The following RALYL variants were observed in gnomAD, a reference collection of about 807,000 sequenced individuals.
RALYL encodes the protein RNA-binding Raly-like protein.
Under a neutral mutation model 35.1 loss-of-function variants are expected in RALYL, and 29 were observed. That is an observed-to-expected ratio of 0.83 (90% confidence interval 0.61 to 1.13). RALYL has a LOEUF of 1.13. Ranked by LOEUF, RALYL falls within the 50% of genes most tolerant of loss-of-function variation. The pLI, the probability that RALYL is intolerant of heterozygous loss-of-function variation, is 0.00. For synonymous variants in RALYL, 120 were observed against 127.6 expected (o/e 0.94, Z 0.40); for missense variants, 359 against 360.4 (o/e 1.00, Z 0.03).
At chr8:84,875,726 C>A (rs1322936210) in intron 7 of RALYL, among the ~76,000 whole-genome samples, 1 of 152,084 alleles carries the variant, frequency 6.6e-6, no homozygotes. Flanking sequence ...AGAATTAACA[C>A]TACCTTATGG....
At chr8:84,210,772 T>C (rs1819307841) in intron 1 of RALYL, among the ~76,000 whole-genome samples, 1 of 152,126 alleles carries the variant, frequency 6.6e-6, no homozygotes, top group Non-Finnish European at 1.5e-5. Flanking sequence ...ATGCCATTCA[T>C]GCTTGTACAA....
chr8:84,529,229 A>C (rs1484401313), intron 1 of RALYL, 70 bp from the exon 2 acceptor site: 12 of 1,491,102 alleles, frequency 8.0e-6, no homozygotes, highest in Non-Finnish European at 1.1e-5. Context: ...TTAAAAAGCC[A>C]CTGATACCCA....
At chr8:84,297,892 GTTGT>G (rs1302054503) in intron 1 of RALYL, among the ~76,000 whole-genome samples, 4 of 151,782 alleles carry the variant, frequency 2.6e-5, no homozygotes, top group South Asian at 4.1e-4. Flanking sequence ...TTCTAATGGT[GTTGT>G]TTGTTTAACT....
At chr8:84,460,056 G>A (rs2050578984) in intron 1 of RALYL, among the ~76,000 whole-genome samples, 1 of 151,628 alleles carries the variant, frequency 6.6e-6, no homozygotes, top group African/African-American at 2.4e-5. Flanking sequence ...TGAGATTTTG[G>A]CTAAATACAG....
At chr8:84,713,728 T>C (rs76556399) in intron 2 of RALYL, among the ~76,000 whole-genome samples, 1,596 of 151,972 alleles carry the variant, frequency 0.011, 34 homozygotes, top group African/African-American at 0.036. Context: ...ATTTCATTTT[T>C]GGGAATATAT....
intron 1 of RALYL, among the ~76,000 whole-genome samples, chr8:84,466,208 C>T (rs1178728665): frequency 7.2e-6 from 1 of 138,570 alleles, no homozygotes; most frequent in African/African-American, 2.8e-5. Context: ...AGAGGGCATC[C>T]CTGTCTTGTG....
chr8:84,295,435 G>C (rs960440795), intron 1 of RALYL, among the ~76,000 whole-genome samples: 1 of 152,140 alleles, frequency 6.6e-6, no homozygotes, highest in Non-Finnish European at 1.5e-5. Flanking sequence ...TATAGAGACA[G>C]TGAGGAATGG....
chr8:84,400,206 G>A (rs1384186472), intron 1 of RALYL, among the ~76,000 whole-genome samples: 1 of 152,118 alleles, frequency 6.6e-6, no homozygotes, highest in Non-Finnish European at 1.5e-5. Flanking sequence ...TGTTAGGGAT[G>A]GAACCCAATT....
chr8:84,588,919 A>G (rs1393411790), intron 2 of RALYL, among the ~76,000 whole-genome samples: 1 of 151,114 alleles, frequency 6.6e-6, no homozygotes, highest in East Asian at 1.9e-4. Flanking sequence ...TTTTTTTGAC[A>G]TGGAGTTTCG....
At chr8:84,788,353 G>A (rs1046295178) in intron 3 of RALYL, among the ~76,000 whole-genome samples, 2 of 152,080 alleles carry the variant, frequency 1.3e-5, no homozygotes, top group African/African-American at 4.8e-5. Flanking sequence ...AAATGACGTC[G>A]AGAAAACTGG....
At chr8:84,430,508 A>G (rs1446538830) in intron 1 of RALYL, among the ~76,000 whole-genome samples, 1 of 152,148 alleles carries the variant, frequency 6.6e-6, no homozygotes, top group African/African-American at 2.4e-5. Flanking sequence ...TACAAAAAAC[A>G]TCTATTCTCC....
At chr8:84,904,915 G>C (rs1222703297) in intron 8 of RALYL, among the ~76,000 whole-genome samples, 1 of 152,042 alleles carries the variant, frequency 6.6e-6, no homozygotes, top group Non-Finnish European at 1.5e-5. Flanking sequence ...TTAAATGGGA[G>C]AATTGTCTGC....
chr8:84,691,350 G>C (rs1838012092), intron 2 of RALYL, among the ~76,000 whole-genome samples: 1 of 151,912 alleles, frequency 6.6e-6, no homozygotes, highest in East Asian at 1.9e-4. Flanking sequence ...TAGAATCTAG[G>C]GCACTCTGGC....
At chr8:84,309,485 T>C (rs1248234008) in intron 1 of RALYL, among the ~76,000 whole-genome samples, 1 of 151,982 alleles carries the variant, frequency 6.6e-6, no homozygotes. Context: ...ATAACACTTT[T>C]ATTAAAAAGT....
At chr8:84,359,966 G>T (rs568425532) in intron 1 of RALYL, among the ~76,000 whole-genome samples, 6 of 148,444 alleles carry the variant, frequency 4.0e-5, no homozygotes, top group Non-Finnish European at 5.9e-5. Context: ...GTGTAATCTT[G>T]GCTCACTACA....
At chr8:84,591,219 T>A (rs1296265883) in intron 2 of RALYL, among the ~76,000 whole-genome samples, 3 of 152,182 alleles carry the variant, frequency 2.0e-5, no homozygotes, top group Non-Finnish European at 4.4e-5. Flanking sequence ...AACTGGCATG[T>A]TAACAAGGTA....
intron 1 of RALYL, among the ~76,000 whole-genome samples, chr8:84,333,759 A>G (rs1847260780): frequency 1.3e-5 from 2 of 152,140 alleles, no homozygotes; most frequent in African/African-American, 2.4e-5. Context: ...GGAAAAGTCA[A>G]TTGTTGCATA....
intron 2 of RALYL, among the ~76,000 whole-genome samples, chr8:84,656,737 T>A (rs1564321255): frequency 6.6e-6 from 1 of 152,110 alleles, no homozygotes; most frequent in Non-Finnish European, 1.5e-5. Context: ...TAAAGCATTA[T>A]CTACCTGAGA....
chr8:84,799,836 G>A (rs1328497331), intron 3 of RALYL, among the ~76,000 whole-genome samples: 1 of 152,112 alleles, frequency 6.6e-6, no homozygotes, highest in African/African-American at 2.4e-5. Flanking sequence ...GGCACCTGTA[G>A]TCCCAGCTAC....
Sources: gnomAD v4.1 joint callset for allele counts (sites outside exome capture counted in the v4.1 genomes callset) on GRCh38, gnomAD v4.1.1 for gene constraint, MANE v1.5 for transcripts, NCBI Gene and HGNC (gene_info 2026-07-23, HGNC 2026-07-21) for gene names.